Variants in YLPM1 observed in about 807,000 individuals in gnomAD.
YLPM1 encodes YLP motif containing 1, also known as YLP motif-containing protein 1.
YLPM1 carries 99 observed loss-of-function variants against 230.0 expected under a neutral mutation model. The ratio of observed to expected loss-of-function variants is 0.43; its 90% CI spans 0.37 to 0.51. YLPM1 has a LOEUF of 0.51. YLPM1 is among the 20% of genes least tolerant of loss of function. The probability of loss-of-function intolerance (pLI) is 0.00; values close to 1 mark genes in which losing one functional copy is unlikely to be tolerated. For missense variants in YLPM1, 2,592 were observed against 2,707.7 expected (o/e 0.96, Z 0.95); for synonymous variants, 984 against 942.5 (o/e 1.04, Z -0.81).
At chr14:74,810,098 T>C in intron 8 of YLPM1, 96 bp downstream of exon 8, 1 of 1,461,018 alleles carries the variant, frequency 6.8e-7, no homozygotes, top group Non-Finnish European at 9.2e-7. Context: ...CTCCATTTAA[T>C]ACAGCTAAAA....
chr14:74,823,679 C>T (rs2091541023), intron 17 of YLPM1, among the ~76,000 whole-genome samples: 1 of 152,036 alleles, frequency 6.6e-6, no homozygotes. Context: ...CCGTTGTATG[C>T]TCTAACTGGT....
rs1268819241 is a variant in YLPM1, at chr14:74,763,626, C to T, written c.137C>T (p.Ser46Phe). Residue 46 changes from serine to phenylalanine, a missense_variant, in exon 1 of 21, where the codon TCC becomes TTC. By Grantham distance (155) the Ser-to-Phe change is radical (BLOSUM62 -2). Around this residue, in one of 4 missense-constraint regions of YLPM1, gnomAD observed 1,862 missense variants for 1,819.8 expected, o/e 1.02. Transcript: ENST00000325680. The stretch of plus-strand genomic sequence containing the variant: ...AGCTCGACGACTCCCGCGGCCCCCT[C>T]CTCCTCGGGCTTCATGAGCTTCCGC... Reference protein sequence around the residue: ...YSSSTTPAAPSSSGFMSFREQ... With the variant: ...YSSSTTPAAPFSSGFMSFREQ... 3.1e-6 allele frequency: 5 copies of T among 1,592,428 alleles called. No homozygotes were observed. The highest frequency in any genetic ancestry group is 2.2e-5 in the South Asian group (2 of 89,756).
Position 74,764,188 on chromosome 14 carries a change from C to T in YLPM1, c.699C>T (p.Ser233=), listed in dbSNP as rs745448800. ...SYLPSSQASP[S]RPSQGHSKSQ... is the part of the protein sequence containing the mutation. The stretch of plus-strand genomic sequence containing the variant: ...TGCCCTCTTCTCAGGCATCTCCTTC[C>T]CGCCCCTCCCAGGGCCATTCTAAAT... The change falls in exon 1 of 21, where the codon TCC becomes TCT. Residue 233 remains serine, a synonymous_variant. Transcript: ENST00000325680. 1.2e-6 allele frequency: 2 copies of T among 1,613,518 alleles called. No individual in the cohort carries two copies. The highest frequency in any genetic ancestry group is 1.7e-6 in the Non-Finnish European group (2 of 1,179,794).
At chr14:74,769,764 G>A (rs1200434093) in intron 1 of YLPM1, among the ~76,000 whole-genome samples, 1 of 151,656 alleles carries the variant, frequency 6.6e-6, no homozygotes, top group Non-Finnish European at 1.5e-5. Flanking sequence ...ATAAGTAGGA[G>A]GACTGGGTGC....
chr14:74,792,981 T>C (rs997303779), intron 4 of YLPM1, among the ~76,000 whole-genome samples: 1 of 152,244 alleles, frequency 6.6e-6, no homozygotes, highest in Admixed American at 6.5e-5. Context: ...ATATAAAATA[T>C]GATGTTGAAG....
Position 74,781,836 on chromosome 14 carries a change from C to G in YLPM1, c.1793C>G (p.Ser598Cys). 6.2e-7 allele frequency: 1 copy of G among 1,612,468 alleles called. No homozygotes were observed. ...GTTCTCCCCCCACCTTCCCTGTCTTCTGCAGGGCCACCACCAGTTCTTCCC... is the reference window on the plus strand; with the variant it reads ...GTTCTCCCCCCACCTTCCCTGTCTTGTGCAGGGCCACCACCAGTTCTTCCC... The part of the protein sequence containing the change: ...PPVLPPPSLS[S>C]AGPPPVLPPP... The change falls in exon 4 of 21, where the codon TCT (serine) becomes TGT (cysteine). Residue 598 changes from serine (S) to cysteine (C), a missense_variant. By Grantham distance (112) the Ser-to-Cys change is moderately radical (BLOSUM62 -1). Transcript: ENST00000325680.
chr14:74,810,242 G>A lies in YLPM1; in HGVS notation c.5050G>A (p.Asp1684Asn). Reference sequence around the variant, plus strand: ...TTTTGTAGAGCATGCAGGCCAACGTGATCGTTATGATAGAGAAAGAGATCG... The same window carrying A: ...TTTTGTAGAGCATGCAGGCCAACGTAATCGTTATGATAGAGAAAGAGATCG... ...TFETEHAGQRDRYDRERDREP... is the reference protein window; with the variant it reads ...TFETEHAGQRNRYDRERDREP... Residue 1684 changes from aspartate (D) to asparagine (N), a missense_variant, in exon 9 of 21, where the codon GAT becomes AAT. Physicochemically the swap from Asp to Asn is conservative, Grantham distance 23. Transcript: ENST00000325680. The A allele has an allele frequency of 1.2e-6, 2 of 1,613,748 alleles. No individual in the cohort carries two copies. The highest frequency in any genetic ancestry group is 1.7e-6 in the Non-Finnish European group (2 of 1,179,820).
chr14:74,816,093 C>T (rs1317435823), intron 11 of YLPM1, 110 bp from the exon 12 acceptor site: 2 of 869,280 alleles, frequency 2.3e-6, no homozygotes, highest in South Asian at 1.9e-5. Flanking sequence ...TGTTTCATGG[C>T]CTGTTGTATA....
chr14:74,820,776 A>G (rs997308703), intron 16 of YLPM1, among the ~76,000 whole-genome samples: 1 of 152,274 alleles, frequency 6.6e-6, no homozygotes, highest in East Asian at 1.9e-4. Context: ...TTAAAAGTCT[A>G]GTAATCCATA....
chr14:74,810,787 G>C (rs1233788393), intron 9 of YLPM1, among the ~76,000 whole-genome samples: 1 of 151,996 alleles, frequency 6.6e-6, no homozygotes, highest in Admixed American at 6.6e-5. Flanking sequence ...AAAGGGAAAG[G>C]GGGGCAAGCC....
chr14:74,763,831 C>T lies in YLPM1; in HGVS notation c.342C>T (p.Ala114=). 6.6e-7 allele frequency: 1 copy of T among 1,517,622 alleles called. No homozygotes were observed. The highest frequency in any genetic ancestry group is 1.3e-5 in the South Asian group (1 of 76,326). The allele number at this position is 1,517,622 out of a possible 1,614,324, so 94.0% of individuals were successfully genotyped here. ...PPPMPPPPGP[A]LSYQKQQQYK... ...CGATGCCCCCGCCACCCGGGCCGGC[C>T]CTCAGCTATCAGAAGCAGCAGCAGT... The change falls in exon 1 of 21, where the codon GCC becomes GCT. Residue 114 remains alanine, a synonymous_variant. Transcript: ENST00000325680.
At chr14:74,786,390 A>G (rs990408590) in intron 4 of YLPM1, among the ~76,000 whole-genome samples, 1 of 149,580 alleles carries the variant, frequency 6.7e-6, no homozygotes, top group African/African-American at 2.5e-5. Context: ...AAAGGCACAC[A>G]TGGTATCACT....
chr14:74,789,439 A>G (rs1566746660), intron 4 of YLPM1, among the ~76,000 whole-genome samples: 1 of 151,456 alleles, frequency 6.6e-6, no homozygotes, highest in Non-Finnish European at 1.5e-5. Context: ...CTGGTCTCGA[A>G]CTCCTGACCT....
In YLPM1 at chr14:74,824,001, A is replaced by G. The variant is rs142831695; in HGVS notation, c.6112-255A>G. 570 of 404,802 alleles carry G rather than the reference A, an allele frequency of 1.4e-3. 3 individuals are homozygous for G. The highest frequency in any genetic ancestry group is 2.0e-3 in the Non-Finnish European group (440 of 222,060). 25.1% of individuals were successfully genotyped at this position (404,802 alleles called of 1,614,324 possible). A position where few individuals can be genotyped will look rare whatever the true frequency, so the allele number is the denominator to read the frequency against. On this transcript the variant is annotated intron_variant, in intron 17 of 20. Transcript: ENST00000325680. Reference sequence around the variant, plus strand: ...TTCAGACTACAATTGTGAGTCCTGAACTGTAGCTGCCTCAAAGCGCCTTCA... The same window carrying G: ...TTCAGACTACAATTGTGAGTCCTGAGCTGTAGCTGCCTCAAAGCGCCTTCA...
chr14:74,763,850 C>G lies in YLPM1; in HGVS notation c.361C>G (p.Gln121Glu). Residue 121 changes from glutamine to glutamate, a missense_variant, in exon 1 of 21, where the codon CAG (glutamine) becomes GAG (glutamate). Gln to Glu is a conservative substitution (Grantham distance 29, BLOSUM62 2). Coordinates refer to ENST00000325680, the MANE Select transcript of YLPM1 (RefSeq NM_019589.3). ...PGPALSYQKQ[Q>E]QYKHQMLHHQ... ...GCCGGCCCTCAGCTATCAGAAGCAG[C>G]AGCAGTACAAACACCAGATGCTCCA... 6.6e-7 allele frequency: 1 copy of G among 1,523,710 alleles called. No individual in the cohort carries two copies. Among genetic ancestry groups the G allele is most frequent in the Non-Finnish European group, 8.8e-7 (1 of 1,135,256 alleles). 94.4% of individuals were successfully genotyped at this position (1,523,710 alleles called of 1,614,324 possible). A position where few individuals can be genotyped will look rare whatever the true frequency, so the allele number is the denominator to read the frequency against.
intron 4 of YLPM1, among the ~76,000 whole-genome samples, chr14:74,783,648 T>C (rs2091117639): frequency 6.6e-6 from 1 of 152,252 alleles, no homozygotes; most frequent in African/African-American, 2.4e-5. Flanking sequence ...ATCATCATTT[T>C]TTTCAACCTC....
At chr14:74,815,184 G>T (rs2091467209) in intron 11 of YLPM1, among the ~76,000 whole-genome samples, 1 of 152,172 alleles carries the variant, frequency 6.6e-6, no homozygotes, top group African/African-American at 2.4e-5. Context: ...ATAGGCACAT[G>T]CCACTGAGCC....
At position 74,829,302 on chromosome 14, in the gene YLPM1, G is replaced by A. The variant is rs1335941306; in HGVS notation, c.6253G>A (p.Asp2085Asn). ...SRMEDYLQLP[D>N]DYDTRASEPG... ...AATGGAGGATTATCTTCAGCTCCCCGATGATTATGATACTCGTGCTTCTGA... is the reference window on the plus strand; with the variant it reads ...AATGGAGGATTATCTTCAGCTCCCCAATGATTATGATACTCGTGCTTCTGA... Residue 2085 changes from aspartate to asparagine, a missense_variant, in exon 19 of 21, where the codon GAT (aspartate) becomes AAT (asparagine). Coordinates refer to ENST00000325680, the MANE Select transcript of YLPM1 (RefSeq NM_019589.3). The A allele has an allele frequency of 6.2e-7, 1 of 1,613,198 alleles. No homozygotes were observed. The highest frequency in any genetic ancestry group is 2.2e-5 in the East Asian group (1 of 44,862).
chr14:74,816,513 G>A (rs1197963471), intron 12 of YLPM1, 58 bp from the exon 13 acceptor site: 1 of 1,551,062 alleles, frequency 6.4e-7, no homozygotes, highest in Non-Finnish European at 8.7e-7. Flanking sequence ...GAACTTTGGT[G>A]TGAACATTAA....
Sources: gnomAD v4.1 joint callset for allele counts (sites outside exome capture counted in the v4.1 genomes callset) on GRCh38, gnomAD v4.1.1 for gene constraint, gnomAD v4.1.1 regional missense constraint, MANE v1.5 for transcripts, NCBI Gene and HGNC (gene_info 2026-07-23, HGNC 2026-07-21) for gene names.